The following SGCD variants were observed in gnomAD, a reference collection of about 807,000 sequenced individuals.
SGCD encodes delta-sarcoglycan.
SGCD carries 18 observed loss-of-function variants against 36.6 expected under a neutral mutation model. The observed-to-expected ratio is 0.49, with a 90% CI of 0.34 to 0.73. SGCD has a LOEUF of 0.73. Among genes scored for constraint, SGCD ranks in the 30% least tolerant of loss-of-function variants. The pLI is 0.01. For missense variants in SGCD, 387 were observed against 346.7 expected (o/e 1.12, Z -0.92); for synonymous variants, 133 against 130.6 (o/e 1.02, Z -0.12).
chr5:156,498,285 G>A (rs1171439755), intron 3 of SGCD, among the ~76,000 whole-genome samples: 10 of 144,910 alleles, frequency 6.9e-5, no homozygotes, highest in Admixed American at 2.1e-4. Context: ...AAAACACCTC[G>A]TTAGGGTTAT....
intron 3 of SGCD, among the ~76,000 whole-genome samples, chr5:156,197,959 G>A (rs1764060669): frequency 6.6e-6 from 1 of 152,050 alleles, no homozygotes; most frequent in South Asian, 2.1e-4. Context: ...GGAAGCCGGG[G>A]TTATCCTGTT....
chr5:156,551,481 G>A (rs1758792494), intron 4 of SGCD, among the ~76,000 whole-genome samples: 1 of 152,108 alleles, frequency 6.6e-6, no homozygotes, highest in Non-Finnish European at 1.5e-5. Context: ...CTCCTTGGAT[G>A]TGTGTGTTCA....
At chr5:155,859,612 T>C in the SGCD span, among the ~76,000 whole-genome samples, 1 of 152,196 alleles carries the variant, frequency 6.6e-6, no homozygotes, top group Admixed American at 6.5e-5. Flanking sequence ...ATCACTTTTT[T>C]GTTGTTGTTT....
At chr5:156,650,765 T>A (rs1255990496) in intron 7 of SGCD, among the ~76,000 whole-genome samples, 1 of 152,060 alleles carries the variant, frequency 6.6e-6, no homozygotes, top group Admixed American at 6.6e-5. Context: ...GATTTTTGTG[T>A]CTTAGTGTTG....
chr5:156,352,935 G>A (rs957849217), intron 3 of SGCD, among the ~76,000 whole-genome samples: 2 of 152,218 alleles, frequency 1.3e-5, no homozygotes, highest in Admixed American at 6.5e-5. Context: ...TATTTTTCAT[G>A]AAGACAAGTT....
intron 4 of SGCD, among the ~76,000 whole-genome samples, chr5:156,555,096 G>T (rs531555895): frequency 2.0e-5 from 3 of 152,000 alleles, no homozygotes; most frequent in Non-Finnish European, 4.4e-5. Flanking sequence ...TTATTGTTCA[G>T]TTGTGATAAG....
chr5:156,458,145 G>C (rs1282072402), intron 3 of SGCD, among the ~76,000 whole-genome samples: 2 of 152,112 alleles, frequency 1.3e-5, no homozygotes, highest in African/African-American at 4.8e-5. Context: ...TGTGCTGAAG[G>C]AGAATCCTCA....
chr5:156,045,901 A>G (rs1279660585), intron 1 of SGCD, among the ~76,000 whole-genome samples: 3 of 152,120 alleles, frequency 2.0e-5, no homozygotes, highest in Non-Finnish European at 4.4e-5. Flanking sequence ...TTTTGGGGGC[A>G]CACAAACATT....
intron 6 of SGCD, among the ~76,000 whole-genome samples, chr5:156,646,314 G>T (rs1373461555): frequency 6.6e-6 from 1 of 152,290 alleles, no homozygotes; most frequent in African/African-American, 2.4e-5. Flanking sequence ...TTGCTGGCTT[G>T]CCATTCAGTG....
intron 1 of SGCD, among the ~76,000 whole-genome samples, chr5:156,060,683 G>A (rs1760181762): frequency 6.9e-6 from 1 of 145,722 alleles, no homozygotes; most frequent in African/African-American, 2.5e-5. Flanking sequence ...GCCCTATGAA[G>A]AATTTGGGTG....
At chr5:156,750,523 C>T (rs1283171793) in intron 7 of SGCD, among the ~76,000 whole-genome samples, 2 of 151,656 alleles carry the variant, frequency 1.3e-5, no homozygotes, top group Non-Finnish European at 2.9e-5. Flanking sequence ...ACTAAAAATA[C>T]AAAAATTAGC....
At chr5:155,745,090 C>T in the SGCD span, among the ~76,000 whole-genome samples, 2 of 152,062 alleles carry the variant, frequency 1.3e-5, no homozygotes, top group Admixed American at 6.6e-5. Context: ...TCTTCAAAGC[C>T]CTGAGACAAA....
rs558219012 is a variant in SGCD, at chr5:156,759,209, G to C, written c.700-8G>C. 6.2e-7 allele frequency: 1 copy of C among 1,611,690 alleles called. No individual in the cohort carries two copies. Among genetic ancestry groups the C allele is most frequent in the South Asian group, 1.1e-5 (1 of 91,010 alleles). The stretch of plus-strand genomic sequence containing the variant: ...ACCAATGCTTTCCTTCCTATTCTCT[G>C]TCTTTAGATTAAGTTAGATGCTGCG... On this transcript the variant is annotated splice_region_variant and splice_polypyrimidine_tract_variant and intron_variant, in intron 8 of 8. Coordinates refer to ENST00000337851, the MANE Select transcript of SGCD (RefSeq NM_000337.6).
intron 3 of SGCD, among the ~76,000 whole-genome samples, chr5:156,282,930 G>A (rs188852510): frequency 5.9e-5 from 9 of 152,176 alleles, no homozygotes; most frequent in East Asian, 1.9e-4. Flanking sequence ...TAAAGAAAAC[G>A]CATTTTTGAT....
the SGCD span, among the ~76,000 whole-genome samples, chr5:155,754,756 CTG>C: frequency 6.6e-6 from 1 of 152,190 alleles, no homozygotes; most frequent in African/African-American, 2.4e-5. Context: ...TAATTTATAA[CTG>C]GAAGTTTATT....
intron 3 of SGCD, among the ~76,000 whole-genome samples, chr5:156,503,750 G>C (rs1581088511): frequency 6.6e-6 from 1 of 152,156 alleles, no homozygotes; most frequent in Non-Finnish European, 1.5e-5. Context: ...TTGAAGAGAT[G>C]ACATGAGATA....
chr5:156,206,328 T>G (rs561612132), intron 3 of SGCD, among the ~76,000 whole-genome samples: 1 of 152,158 alleles, frequency 6.6e-6, no homozygotes, highest in East Asian at 1.9e-4. Context: ...CATGAATAAG[T>G]GCACATGTTG....
chr5:156,080,246 G>A (rs532612390), intron 1 of SGCD, among the ~76,000 whole-genome samples: 1 of 152,168 alleles, frequency 6.6e-6, no homozygotes, highest in Admixed American at 6.5e-5. Context: ...GGCACCCCAG[G>A]CCTGGCCCAT....
At chr5:156,159,117 T>C (rs567766440) in intron 3 of SGCD, among the ~76,000 whole-genome samples, 1 of 151,790 alleles carries the variant, frequency 6.6e-6, no homozygotes, top group East Asian at 1.9e-4. Context: ...TCCACCATTA[T>C]AGGAATGGTA....
Sources: allele counts gnomAD v4.1 joint callset (sites outside exome capture counted in the v4.1 genomes callset), GRCh38; gene constraint gnomAD v4.1.1; transcripts MANE v1.5; gene names NCBI Gene and HGNC (gene_info 2026-07-23, HGNC 2026-07-21).